Variants in FCRL2 observed in about 807,000 individuals in gnomAD.
FCRL2 encodes the protein Fc receptor-like protein 2.
In FCRL2, 48 loss-of-function variants were observed where a neutral mutation model predicts 59.8. The ratio of observed to expected loss-of-function variants is 0.80; its 90% CI spans 0.64 to 1.02. The LOEUF is 1.02. FCRL2 is among the 50% of genes least tolerant of loss of function. The pLI is 0.00. For synonymous variants in FCRL2, 251 were observed against 229.5 expected (o/e 1.09, Z -0.85); for missense variants, 658 against 597.3 (o/e 1.10, Z -1.06).
In FCRL2 at chr1:157,768,394, T is replaced by A; in HGVS notation, c.883+20A>T. On this transcript the variant is annotated intron_variant, in intron 5 of 11. Coordinates refer to ENST00000361516, the MANE Select transcript of FCRL2 (RefSeq NM_030764.4). ...TTGGTCTGGGAATTTCTGGAAGATA[T>A]GAATGAGAGTGTCACTCACTTCTCA... 6.2e-7 allele frequency: 1 copy of A among 1,604,976 alleles called. No homozygotes were observed. Among genetic ancestry groups the A allele is most frequent in the Non-Finnish European group, 8.5e-7 (1 of 1,174,012 alleles).
chr1:157,759,057 C>A (rs546059200), intron 7 of FCRL2, among the ~76,000 whole-genome samples: 3 of 152,132 alleles, frequency 2.0e-5, no homozygotes, highest in African/African-American at 7.2e-5. Context: ...GGGAGGGACC[C>A]GGTGGGAGGT....
At chr1:157,770,322 A>G (rs1003575201) in intron 3 of FCRL2, 87 bp downstream of exon 3, 6 of 1,504,098 alleles carry the variant, frequency 4.0e-6, no homozygotes, top group Non-Finnish European at 4.5e-6. Context: ...TATTTAGCCC[A>G]TGAGCAGCTT....
chr1:157,773,885 A>T (rs909627878), intron 2 of FCRL2, among the ~76,000 whole-genome samples: 1 of 152,156 alleles, frequency 6.6e-6, no homozygotes, highest in African/African-American at 2.4e-5. Context: ...TGCCCAATAG[A>T]ATCATGCTGA....
rs759983183 is a variant in FCRL2 at position 157,770,573 on chromosome 1, A to G, written c.146T>C (p.Met49Thr). The G allele has an allele frequency of 3.1e-6, 5 of 1,614,124 alleles. No individual in the cohort carries two copies. Among genetic ancestry groups the G allele is most frequent in the Non-Finnish European group, 2.5e-6 (3 of 1,180,052 alleles). Residue 49 changes from methionine (M) to threonine (T), a missense_variant, in exon 3 of 12, where the codon ATG (methionine) becomes ACG (threonine). Coordinates refer to ENST00000361516, the MANE Select transcript of FCRL2 (RefSeq NM_030764.4). The part of the protein sequence containing the change: ...QGEQNWKIQK[M>T]AYHKDNKELS... ...CTCTTTGTTATCCTTATGGTAAGCC[A>G]TCTTCTGAATTTTCCAGTTCTGTTC...
chr1:157,766,228 T>C (rs1274976948), intron 7 of FCRL2, among the ~76,000 whole-genome samples: 2 of 152,242 alleles, frequency 1.3e-5, no homozygotes, highest in Non-Finnish European at 2.9e-5. Flanking sequence ...TCCCAGCACT[T>C]TGGGAGGCCA....
intron 2 of FCRL2, among the ~76,000 whole-genome samples, chr1:157,775,298 G>A (rs977617626): frequency 6.6e-6 from 1 of 152,198 alleles, no homozygotes; most frequent in African/African-American, 2.4e-5. Flanking sequence ...GCCTTTTACA[G>A]GAAAAGCTTG....
rs1232107623 is a variant in FCRL2 at position 157,766,846 on chromosome 1, A to G, written c.1279+9T>C. 1.9e-6 allele frequency: 3 copies of G among 1,614,178 alleles called. No individual in the cohort carries two copies. Among genetic ancestry groups the G allele is most frequent in the Non-Finnish European group, 2.5e-6 (3 of 1,180,020 alleles). The stretch of plus-strand genomic sequence containing the variant: ...GCAAAATATGGAGAATCCAAATGGT[A>G]GATACAACCTGATATCTTGTGGAAC... On this transcript the variant is annotated intron_variant, in intron 7 of 11. Transcript: ENST00000361516.
chr1:157,766,729 A>G, intron 7 of FCRL2, 126 bp downstream of exon 7: 1 of 1,478,918 alleles, frequency 6.8e-7, no homozygotes, highest in South Asian at 1.4e-5. Context: ...AGAATTATGA[A>G]GCATAAAAAG....
At chr1:157,762,757 A>T (rs993747948) in intron 7 of FCRL2, among the ~76,000 whole-genome samples, 2 of 152,214 alleles carry the variant, frequency 1.3e-5, no homozygotes, top group Non-Finnish European at 1.5e-5. Flanking sequence ...ATACACTCCA[A>T]CCTTCCAGGC....
At chr1:157,762,848 C>T (rs1434936060) in intron 7 of FCRL2, among the ~76,000 whole-genome samples, 1 of 152,116 alleles carries the variant, frequency 6.6e-6, no homozygotes, top group East Asian at 1.9e-4. Flanking sequence ...GCAAAATATC[C>T]TTCATAAATA....
intron 7 of FCRL2, among the ~76,000 whole-genome samples, chr1:157,757,454 T>C (rs1278569078): frequency 8.6e-5 from 13 of 151,984 alleles, no homozygotes; most frequent in Admixed American, 3.3e-4. Flanking sequence ...ACCTGCACGT[T>C]CTGCACATAT....
At chr1:157,748,646 A>G (rs891142630) in intron 9 of FCRL2, 28 bp from the exon 10 acceptor site, 9 of 1,602,140 alleles carry the variant, frequency 5.6e-6, no homozygotes, top group East Asian at 2.2e-5. Context: ...GAGTTCACAG[A>G]TGTTGGTGGC....
chr1:157,771,469 A>G (rs1209727410), intron 2 of FCRL2, among the ~76,000 whole-genome samples: 1 of 152,226 alleles, frequency 6.6e-6, no homozygotes, highest in Non-Finnish European at 1.5e-5. Flanking sequence ...AAGATCCAGT[A>G]TCTTTAATTA....
intron 7 of FCRL2, among the ~76,000 whole-genome samples, chr1:157,756,473 A>G (rs1648596854): frequency 6.6e-6 from 1 of 152,198 alleles, no homozygotes; most frequent in East Asian, 1.9e-4. Context: ...GCTTGAGCCC[A>G]GGAGTTCAAG....
At chr1:157,748,666 A>G (rs1372585710) in intron 9 of FCRL2, 48 bp from the exon 10 acceptor site, 6 of 1,484,118 alleles carry the variant, frequency 4.0e-6, no homozygotes, top group Non-Finnish European at 5.6e-6. Flanking sequence ...CCCAGGGTTC[A>G]CACTTCATAC....
At chr1:157,758,146 C>T (rs903502196) in intron 7 of FCRL2, among the ~76,000 whole-genome samples, 1 of 152,110 alleles carries the variant, frequency 6.6e-6, no homozygotes, top group Non-Finnish European at 1.5e-5. Context: ...TCTGAGGTAA[C>T]TTTCTCGTTT....
intron 5 of FCRL2, chr1:157,768,029 G>T (rs1571286207): frequency 4.2e-6 from 1 of 235,598 alleles, no homozygotes; most frequent in East Asian, 9.7e-5. Context: ...CTCCCTTTGG[G>T]TGCAGTTTCG....
rs1033393670 is a variant in FCRL2 at position 157,745,910 on chromosome 1, A to C, written c.*826T>G. ...AACAAATGCTGCAATAAAGCAAGTC[A>C]CACAGATTTTTTGGTTTCCCAGTGC... On this transcript the variant is annotated 3_prime_UTR_variant, in exon 12 of 12. Coordinates refer to ENST00000361516, the MANE Select transcript of FCRL2 (RefSeq NM_030764.4). 3.3e-5 allele frequency: 5 copies of C among 152,220 alleles called. No individual in the cohort carries two copies. Among genetic ancestry groups the C allele is most frequent in the African/African-American group, 1.2e-4 (5 of 41,454 alleles). 9.4% of individuals were successfully genotyped at this position (152,220 alleles called of 1,614,324 possible).
intron 7 of FCRL2, among the ~76,000 whole-genome samples, chr1:157,751,225 A>G (rs1418324366): frequency 6.6e-6 from 1 of 152,194 alleles, no homozygotes; most frequent in Non-Finnish European, 1.5e-5. Flanking sequence ...GTTTTACCAT[A>G]CAGGAGATAG....
Sources: gnomAD v4.1 joint callset for allele counts (sites outside exome capture counted in the v4.1 genomes callset) on GRCh38, gnomAD v4.1.1 for gene constraint, MANE v1.5 for transcripts, NCBI Gene and HGNC (gene_info 2026-07-23, HGNC 2026-07-21) for gene names.